The following STARD8 variants were observed in gnomAD, a reference collection of about 807,000 sequenced individuals.
The protein encoded by STARD8 is StAR related lipid transfer domain containing 8.
STARD8 carries 25 observed loss-of-function variants against 69.4 expected under a neutral mutation model. The observed-to-expected ratio is 0.36, with a 90% CI of 0.26 to 0.50. STARD8 has a LOEUF of 0.50. Among genes scored for constraint, STARD8 ranks in the 20% least tolerant of loss-of-function variants. The pLI, the probability that STARD8 is intolerant of heterozygous loss-of-function variation, is 0.96. For synonymous variants in STARD8, 389 were observed against 374.6 expected (o/e 1.04, Z -0.45); for missense variants, 921 against 932.5 (o/e 0.99, Z 0.16).
chrX:68,706,998 G>T (rs183071240), intron 2 of STARD8, among the ~76,000 whole-genome samples: 1 of 112,853 alleles, frequency 8.9e-6, no homozygotes, highest in Non-Finnish European at 1.9e-5. Flanking sequence ...CTGCCTTGAG[G>T]GACCAGCCTC....
intron 2 of STARD8, among the ~76,000 whole-genome samples, chrX:68,684,008 A>G (rs911270842): frequency 8.9e-6 from 1 of 112,579 alleles, no homozygotes; most frequent in Non-Finnish European, 1.9e-5. Context: ...ATGATGATAT[A>G]TATACTTCAG....
intron 1 of STARD8, among the ~76,000 whole-genome samples, chrX:68,650,265 A>T (rs891667810): frequency 4.6e-5 from 5 of 109,466 alleles, no homozygotes; most frequent in South Asian, 4.1e-4. Context: ...GAAAAATAAA[A>T]AAAATTTGCT....
chrX:68,694,121 G>A (rs1285251105), intron 2 of STARD8, among the ~76,000 whole-genome samples: 2 of 113,207 alleles, frequency 1.8e-5, no homozygotes, highest in Non-Finnish European at 3.7e-5. Flanking sequence ...CGCCGGGCCC[G>A]TGGGTCTCGC....
intron 2 of STARD8, among the ~76,000 whole-genome samples, chrX:68,693,229 A>G (rs567888755): frequency 1.8e-5 from 2 of 112,565 alleles, no homozygotes; most frequent in South Asian, 7.3e-4. Context: ...TCAAATTCCT[A>G]ATTATCTGGT....
chrX:68,717,805 C>G lies in STARD8; in HGVS notation c.891C>G (p.Cys297Trp). 1 of 1,211,494 alleles carries G rather than the reference C, an allele frequency of 8.3e-7. No homozygotes were observed. Among genetic ancestry groups the G allele is most frequent in the Non-Finnish European group, 1.1e-6 (1 of 895,335 alleles). ...CTCAGTGGACACACCGGGGTGATTG[C>G]CTGGTGCACGTTCCTGGGGACCACA... ...RHPQWTHRGD[C>W]LVHVPGDHKP... The change falls in exon 6 of 15, where the codon TGC (cysteine) becomes TGG (tryptophan). Residue 297 changes from cysteine (C) to tryptophan (W), a missense_variant. By Grantham distance (215) the Cys-to-Trp change is radical. Transcript: ENST00000374599.
intron 2 of STARD8, among the ~76,000 whole-genome samples, chrX:68,684,463 C>T (rs909842159): frequency 8.9e-6 from 1 of 112,883 alleles, no homozygotes; most frequent in African/African-American, 3.2e-5. Context: ...CTGCCACTGC[C>T]GGGGGCTATG....
chrX:68,665,525 G>T lies in STARD8; in HGVS notation c.72G>T (p.Lys24Asn), dbSNP rs764268124. Residue 24 changes from lysine to asparagine, a missense_variant, in exon 2 of 15, where the codon AAG becomes AAT. Physicochemically the swap from Lys to Asn is moderately conservative, Grantham distance 94 (BLOSUM62 0). Coordinates refer to ENST00000374599, the MANE Select transcript of STARD8 (RefSeq NM_001142503.3). The part of the protein sequence containing the change: ...VKCFPLLQVK[K>N]NAEAEAKRAC... ...GCTTCCCATTGCTGCAGGTGAAGAAGAACGCTGGTAAGTACACGAGGTGGG... is the reference window on the plus strand; with the variant it reads ...GCTTCCCATTGCTGCAGGTGAAGAATAACGCTGGTAAGTACACGAGGTGGG... 3 of 1,207,221 alleles carry T rather than the reference G, an allele frequency of 2.5e-6. No homozygotes were observed. The highest frequency in any genetic ancestry group is 3.0e-5 in the East Asian group (1 of 33,744).
At chrX:68,699,496 C>G (rs1008435105) in intron 2 of STARD8, among the ~76,000 whole-genome samples, 3 of 112,164 alleles carry the variant, frequency 2.7e-5, no homozygotes, top group African/African-American at 9.7e-5. Context: ...AGTGTGCCCT[C>G]TGGGACCACC....
At chrX:68,686,897 G>C (rs1190745341) in intron 2 of STARD8, among the ~76,000 whole-genome samples, 3 of 110,895 alleles carry the variant, frequency 2.7e-5, no homozygotes, top group Admixed American at 9.6e-5. Flanking sequence ...CACCACTTTG[G>C]TTACTAACAC....
chrX:68,648,066 G>A (rs2079526133), intron 1 of STARD8, 139 bp downstream of exon 1: 1 of 746,311 alleles, frequency 1.3e-6, no homozygotes, highest in South Asian at 2.8e-5. Context: ...GAAAGGCTTG[G>A]GTTCAAGTCT....
At chrX:68,679,684 A>G (rs1430004397) in intron 2 of STARD8, among the ~76,000 whole-genome samples, 1 of 112,102 alleles carries the variant, frequency 8.9e-6, no homozygotes. Flanking sequence ...AGATGAGACA[A>G]AGCCCTATCC....
intron 5 of STARD8, among the ~76,000 whole-genome samples, chrX:68,716,884 G>A (rs746847412): frequency 1.1e-4 from 12 of 112,552 alleles, no homozygotes; most frequent in Non-Finnish European, 2.1e-4. Flanking sequence ...CTAGAGCTTG[G>A]GAAGGTCTGT....
In STARD8 at chrX:68,689,138, CA is replaced by C. The variant is rs764942825; in HGVS notation, c.79+23607del. Reference sequence around the variant, plus strand: ...CTTGCCTTTGCTCATCTCCTCTCTGCATGTTGTGACCTTTGGAATCTGGAGG... The same window carrying C: ...CTTGCCTTTGCTCATCTCCTCTCTGCTGTTGTGACCTTTGGAATCTGGAGG... On this transcript the variant is annotated intron_variant, in intron 2 of 14. Transcript: ENST00000374599. Among the ~76,000 whole-genome samples the C allele has an allele frequency of 1.7e-4, 18 of 105,323 alleles. No homozygotes were observed. In the South Asian group the frequency reaches 8.3e-3, roughly 48 times the overall value. 91.5% of individuals were successfully genotyped at this position (105,323 alleles called of 115,157 possible).
intron 2 of STARD8, among the ~76,000 whole-genome samples, chrX:68,676,546 C>G (rs766601412): frequency 2.7e-5 from 3 of 112,065 alleles, no homozygotes; most frequent in Non-Finnish European, 3.8e-5. Flanking sequence ...CCCCAAACCC[C>G]GTCTCAACCT....
At chrX:68,682,947 T>A (rs745907331) in intron 2 of STARD8, among the ~76,000 whole-genome samples, 18 of 112,076 alleles carry the variant, frequency 1.6e-4, no homozygotes, top group Admixed American at 6.6e-4. Flanking sequence ...GGCAGAGGAC[T>A]CCTGTGTGAA....
At chrX:68,722,281 C>T in intron 11 of STARD8, 120 bp downstream of exon 11, 1 of 823,265 alleles carries the variant, frequency 1.2e-6, no homozygotes, top group Non-Finnish European at 1.7e-6. Flanking sequence ...AGCTTATACC[C>T]CCAACTCTTC....
chrX:68,688,496 G>A (rs749510132), intron 2 of STARD8, among the ~76,000 whole-genome samples: 43 of 109,942 alleles, frequency 3.9e-4, no homozygotes, highest in African/African-American at 1.4e-3. Context: ...GGCAGCTGAC[G>A]ATGGAACCTG....
rs751208399 is a variant in STARD8 at position 68,700,402 on chromosome X, C to T, written c.80-12512C>T. On this transcript the variant is annotated intron_variant, in intron 2 of 14. Transcript: ENST00000374599. ...GGAGCCCAGGTCTCCTGACCCTCAG[C>T]CCTCCCTGTTTTCCCCAAACCACAC... Among the ~76,000 whole-genome samples, 42 of 112,520 alleles carry T rather than the reference C, an allele frequency of 3.7e-4. 1 individual carries two copies. Among genetic ancestry groups the T allele is most frequent in the Admixed American group, 1.6e-3 (17 of 10,676 alleles).
At position 68,717,319 on chromosome X, in the gene STARD8, A is replaced by C. The variant is rs1252964861; in HGVS notation, c.405A>C (p.Pro135=). Residue 135 remains proline (P), a synonymous_variant, in exon 6 of 15, where the codon CCA becomes CCC. Transcript: ENST00000374599. ...SPMGSSDLLA[P]PSPGLPATSS... is the part of the protein sequence containing the mutation. The stretch of plus-strand genomic sequence containing the variant: ...TGGGGTCCTCTGATCTGTTGGCCCC[A>C]CCGAGCCCTGGCCTGCCAGCGACCT... 8.3e-7 allele frequency: 1 copy of C among 1,204,364 alleles called. No homozygotes were observed. Among genetic ancestry groups the C allele is most frequent in the African/African-American group, 1.8e-5 (1 of 56,655 alleles).
Sources: allele counts gnomAD v4.1 joint callset (sites outside exome capture counted in the v4.1 genomes callset), GRCh38; gene constraint gnomAD v4.1.1; transcripts MANE v1.5; gene names NCBI Gene and HGNC (gene_info 2026-07-23, HGNC 2026-07-21).